Variants in LRPPRC observed in about 807,000 individuals in gnomAD.
LRPPRC encodes leucine-rich PPR motif-containing protein, mitochondrial.
LRPPRC carries 120 observed loss-of-function variants against 180.3 expected under a neutral mutation model. The ratio of observed to expected loss-of-function variants is 0.67; its 90% confidence interval spans 0.57 to 0.77. LRPPRC has a LOEUF of 0.77. Ranked by LOEUF, LRPPRC falls within the 30% of genes least tolerant of loss-of-function variation. LRPPRC has a pLI of 0.00. For missense variants in LRPPRC, 2,012 were observed against 1,657.2 expected (o/e 1.21, Z -3.72); for synonymous variants, 723 against 600.0 (o/e 1.21, Z -3.00).
intron 11 of LRPPRC, among the ~76,000 whole-genome samples, chr2:43,972,608 T>C (rs1673868321): frequency 6.6e-6 from 1 of 152,204 alleles, no homozygotes; most frequent in Non-Finnish European, 1.5e-5. Context: ...TACAAAGAGT[T>C]AATCAAACTA....
In LRPPRC at chr2:43,974,131, G is replaced by C. The variant is rs1452695142; in HGVS notation, c.1155+19C>G. 1 of 1,609,448 alleles carries C rather than the reference G, an allele frequency of 6.2e-7. No homozygotes were observed. Among genetic ancestry groups the C allele is most frequent in the South Asian group, 1.1e-5 (1 of 91,004 alleles). On this transcript the variant is annotated intron_variant, in intron 9 of 37. Transcript: ENST00000260665. The stretch of plus-strand genomic sequence containing the variant: ...CACTGCCAATTACATTGTCTACAAA[G>C]TAAAAGTGGACAGAATACCGTATTC...
intron 27 of LRPPRC, among the ~76,000 whole-genome samples, chr2:43,922,303 T>C (rs4953037): frequency 0.55 from 83,898 of 152,092 alleles, 25,353 homozygotes; most frequent in East Asian, 0.96. Context: ...GAGCTACATA[T>C]CTTTGTTTTG....
At chr2:43,938,310 A>T (rs1672348756) in intron 23 of LRPPRC, among the ~76,000 whole-genome samples, 1 of 152,198 alleles carries the variant, frequency 6.6e-6, no homozygotes. Flanking sequence ...GTTTGGTGCA[A>T]ATTAAAAATA....
At chr2:43,994,716 G>T (rs1250313727) in intron 1 of LRPPRC, among the ~76,000 whole-genome samples, 1 of 152,040 alleles carries the variant, frequency 6.6e-6, no homozygotes, top group Non-Finnish European at 1.5e-5. Context: ...AATGCTAAAA[G>T]CTCAGCACCT....
chr2:43,969,445 C>G (rs1673708551), intron 11 of LRPPRC, among the ~76,000 whole-genome samples: 2 of 151,882 alleles, frequency 1.3e-5, no homozygotes, highest in South Asian at 4.2e-4. Context: ...CTCTTAATTC[C>G]TGGCAGGTGC....
intron 1 of LRPPRC, among the ~76,000 whole-genome samples, chr2:43,990,092 G>C (rs1263771762): frequency 7.2e-5 from 11 of 152,022 alleles, no homozygotes. Flanking sequence ...GGTGGCATGC[G>C]CCTGTCGTCC....
Position 43,896,140 on chromosome 2 carries a change from G to C in LRPPRC, c.3900+494C>G, listed in dbSNP as rs115542578. The C allele has an allele frequency of 8.9e-3, 1,373 of 154,670 alleles. 21 individuals carry two copies. The highest frequency in any genetic ancestry group is 0.032 in the African/African-American group (1,295 of 40,784). The allele number at this position is 154,670 out of a possible 1,614,324, so 9.6% of individuals were successfully genotyped here. ...TCTGGAGTGTACATTTTCCTTGGTA[G>C]TGCTTCTGCATTGTTAAATGTCCCA... On this transcript the variant is annotated intron_variant, in intron 35 of 37. Coordinates refer to ENST00000260665, the MANE Select transcript of LRPPRC (RefSeq NM_133259.4).
chr2:43,995,852 G>T lies in LRPPRC; in HGVS notation c.96C>A (p.Gly32=). ...GCAGATAGGAGGCGGCATGCAGCCG[G>T]CCCGGGCCGCCAGGGAGGAGGCGCA... The part of the protein sequence containing the change: ...LSLRLLPGGP[G]RLHAASYLPA... The change falls in exon 1 of 38, where the codon GGC becomes GGA. Residue 32 remains glycine (G), a synonymous_variant. Coordinates refer to ENST00000260665, the MANE Select transcript of LRPPRC (RefSeq NM_133259.4). 1 of 1,482,030 alleles carries T rather than the reference G, an allele frequency of 6.7e-7. No individual in the cohort carries two copies. 91.8% of individuals were successfully genotyped at this position (1,482,030 alleles called of 1,614,324 possible).
At chr2:43,957,538 A>G (rs573149681) in intron 13 of LRPPRC, 87 bp from the exon 14 acceptor site, 30 of 944,356 alleles carry the variant, frequency 3.2e-5, no homozygotes, top group South Asian at 2.8e-4. Flanking sequence ...ATTTATACCA[A>G]TACCTTTTAG....
intron 27 of LRPPRC, among the ~76,000 whole-genome samples, chr2:43,920,815 A>AG (rs1275462333): frequency 1.3e-5 from 2 of 152,212 alleles, no homozygotes; most frequent in Non-Finnish European, 2.9e-5. Flanking sequence ...AATACTGCTA[A>AG]GGACCTTTAA....
intron 25 of LRPPRC, among the ~76,000 whole-genome samples, chr2:43,929,949 A>AAAACAAAC (rs34536805): frequency 1.3e-4 from 20 of 150,206 alleles, no homozygotes; most frequent in African/African-American, 3.4e-4. Context: ...GGACAAAACA[A>AAAACAAAC]AAACAAACAA....
intron 25 of LRPPRC, 149 bp from the exon 26 acceptor site, chr2:43,926,110 C>A: frequency 1.7e-6 from 1 of 584,972 alleles, no homozygotes; most frequent in Non-Finnish European, 3.0e-6. Flanking sequence ...AGTATACAAT[C>A]TATATACTAA....
chr2:43,961,446 C>T (rs192892431), intron 12 of LRPPRC, among the ~76,000 whole-genome samples: 18 of 152,148 alleles, frequency 1.2e-4, no homozygotes, highest in East Asian at 3.9e-4. Context: ...AAGAGTTGCT[C>T]GATAATATGA....
In LRPPRC at chr2:43,951,654, G is replaced by A. The variant is rs770271213; in HGVS notation, c.1650-1054C>T. On this transcript the variant is annotated intron_variant, in intron 14 of 37. Transcript: ENST00000260665. ...AATAGTCCAGCAAAGAAAGAGAAGG[G>A]GAATGGTAAAACAGGACTGCCAAAA... Among the ~76,000 whole-genome samples, 9 of 152,242 alleles carry A rather than the reference G, an allele frequency of 5.9e-5. No homozygotes were observed. The East Asian group carries it at 7.7e-4, about 13-fold the overall frequency.
At position 43,947,872 on chromosome 2, in the gene LRPPRC, A is replaced by T. The variant is rs761265466; in HGVS notation, c.1921-97T>A. On this transcript the variant is annotated intron_variant, in intron 18 of 37. Coordinates refer to ENST00000260665, the MANE Select transcript of LRPPRC (RefSeq NM_133259.4). ...AAATTTGTAAGTCTCACCTCATATT[A>T]CTACTTTTCATCTTTCCAAAATTTT... The T allele has an allele frequency of 2.0e-4, 163 of 805,436 alleles. 1 individual carries two copies. Among genetic ancestry groups the T allele is most frequent in the Admixed American group, 8.1e-4 (45 of 55,404 alleles). 49.9% of individuals were successfully genotyped at this position (805,436 alleles called of 1,614,324 possible).
chr2:43,985,341 C>G (rs1001968344), intron 1 of LRPPRC, among the ~76,000 whole-genome samples: 3 of 152,164 alleles, frequency 2.0e-5, no homozygotes, highest in African/African-American at 7.2e-5. Flanking sequence ...AATGCTGATA[C>G]ATTATCCATC....
intron 30 of LRPPRC, among the ~76,000 whole-genome samples, chr2:43,908,896 T>TA (rs1671156848): frequency 6.6e-6 from 1 of 152,186 alleles, no homozygotes; most frequent in South Asian, 2.1e-4. Flanking sequence ...AAACAGCTAT[T>TA]TATGGATCCA....
At chr2:43,933,366 G>A (rs1230898679) in intron 25 of LRPPRC, among the ~76,000 whole-genome samples, 32 of 152,116 alleles carry the variant, frequency 2.1e-4, no homozygotes, top group Admixed American at 2.1e-3. Flanking sequence ...TTTGCATCCT[G>A]TCCCCTGTAT....
At chr2:43,976,844 TG>T (rs1179284489) in intron 5 of LRPPRC, 149 bp downstream of exon 5, 1 of 658,598 alleles carries the variant, frequency 1.5e-6, no homozygotes, top group Non-Finnish European at 2.7e-6. Flanking sequence ...TTATATTTTA[TG>T]TAAGTCAGAT....
Sources: gnomAD v4.1 joint callset for allele counts (sites outside exome capture counted in the v4.1 genomes callset) on GRCh38, gnomAD v4.1.1 for gene constraint, MANE v1.5 for transcripts, NCBI Gene and HGNC (gene_info 2026-07-23, HGNC 2026-07-21) for gene names.